CYP2C19: variants seen among roughly 807,000 people sequenced by gnomAD.
CYP2C19 encodes the protein cytochrome P450 2C19.
In CYP2C19, 59 loss-of-function variants were observed where a neutral mutation model predicts 40.9. That is an observed-to-expected ratio of 1.44 (90% CI 1.17 to 1.79). The LOEUF (loss-of-function observed/expected upper bound fraction) is 1.79. Among genes scored for constraint, CYP2C19 ranks in the 40% most tolerant of loss-of-function variants. The pLI is 0.00. For missense variants in CYP2C19, 754 were observed against 596.9 expected (o/e 1.26, Z -2.74); for synonymous variants, 253 against 208.7 (o/e 1.21, Z -1.83).
chr10:94,842,374 G>C (rs1048457876), intron 6 of CYP2C19, among the ~76,000 whole-genome samples: 1 of 105,808 alleles, frequency 9.5e-6, no homozygotes, highest in Admixed American at 9.4e-5. Flanking sequence ...TTCAGTCTAT[G>C]TGTGTTTTTT....
Position 94,853,151 on chromosome 10 carries a change from G to A in CYP2C19, c.*237G>A, listed in dbSNP as rs1849680648. On this transcript the variant is annotated 3_prime_UTR_variant, in exon 9 of 9. Coordinates refer to ENST00000371321, the MANE Select transcript of CYP2C19 (RefSeq NM_000769.4). ...CACATAATGCTGATACTTGTCTAAT[G>A]TTGAGTTATTAACATATTATTATTA... 3 of 523,572 alleles carry A rather than the reference G, an allele frequency of 5.7e-6. No individual in the cohort carries two copies. The highest frequency in any genetic ancestry group is 1.9e-5 in the African/African-American group (1 of 52,334). 32.4% of individuals were successfully genotyped at this position (523,572 alleles called of 1,614,324 possible). A position where few individuals can be genotyped will look rare whatever the true frequency, so the allele number is the denominator to read the frequency against.
Position 94,781,806 on chromosome 10 carries a change from A to T in CYP2C19, c.643-15A>T. 1 of 1,339,094 alleles carries T rather than the reference A, an allele frequency of 7.5e-7. No individual in the cohort carries two copies. The highest frequency in any genetic ancestry group is 9.9e-7 in the Non-Finnish European group (1 of 1,013,026). 83.0% of individuals were successfully genotyped at this position (1,339,094 alleles called of 1,614,324 possible). A position where few individuals can be genotyped will look rare whatever the true frequency, so the allele number is the denominator to read the frequency against. Reference sequence around the variant, plus strand: ...TTAAATGCTTTTAATTTAATAAATTATTGTTTTCTCTTAGATATGCAATAA... The same window carrying T: ...TTAAATGCTTTTAATTTAATAAATTTTTGTTTTCTCTTAGATATGCAATAA... On this transcript the variant is annotated splice_polypyrimidine_tract_variant and intron_variant, in intron 4 of 8. Coordinates refer to ENST00000371321, the MANE Select transcript of CYP2C19 (RefSeq NM_000769.4).
chr10:94,789,668 A>G (rs1848582064), intron 5 of CYP2C19, among the ~76,000 whole-genome samples: 1 of 151,966 alleles, frequency 6.6e-6, no homozygotes, highest in Non-Finnish European at 1.5e-5. Flanking sequence ...GTGTGGTGTT[A>G]TTTCTGAGGC....
chr10:94,786,199 C>G (rs1344957282), intron 5 of CYP2C19, among the ~76,000 whole-genome samples: 1 of 152,006 alleles, frequency 6.6e-6, no homozygotes, highest in African/African-American at 2.4e-5. Context: ...GGTATATATC[C>G]CAGGTAATGT....
At chr10:94,781,788 C>T (rs769966695) in intron 4 of CYP2C19, 33 bp from the exon 5 acceptor site, 2 of 1,190,888 alleles carry the variant, frequency 1.7e-6, no homozygotes, top group Non-Finnish European at 2.2e-6. Flanking sequence ...TTATTAAATG[C>T]TTTTAATTTA....
chr10:94,834,059 A>G (rs112446755), intron 6 of CYP2C19, among the ~76,000 whole-genome samples: 4,850 of 152,266 alleles, frequency 0.032, 124 homozygotes, highest in Middle Eastern at 0.13. Flanking sequence ...TTTTTGGAAT[A>G]GTTTGAGTAG....
At chr10:94,773,129 A>G (rs1848359312) in intron 1 of CYP2C19, among the ~76,000 whole-genome samples, 1 of 152,158 alleles carries the variant, frequency 6.6e-6, no homozygotes, top group Non-Finnish European at 1.5e-5. Flanking sequence ...TAGCCCCTGA[A>G]TTCTAAGGAA....
In CYP2C19 at chr10:94,770,386, G is replaced by A. The variant is rs533204780; in HGVS notation, c.169-4672G>A. ...ACCACACTGATAACAAGCCCTACTGGGTGATTGGCCTGCTATTTTCTGTCC... is the reference window on the plus strand; with the variant it reads ...ACCACACTGATAACAAGCCCTACTGAGTGATTGGCCTGCTATTTTCTGTCC... On this transcript the variant is annotated intron_variant, in intron 1 of 8. Transcript: ENST00000371321. Among the ~76,000 whole-genome samples the A allele has an allele frequency of 6.2e-4, 94 of 152,200 alleles. 1 individual carries two copies. Among genetic ancestry groups the A allele is most frequent in the Non-Finnish European group, 1.1e-3 (77 of 68,012 alleles).
chr10:94,775,333 C>G, intron 2 of CYP2C19, 57 bp from the exon 3 acceptor site: 1 of 1,612,466 alleles, frequency 6.2e-7, no homozygotes, highest in South Asian at 1.1e-5. Context: ...TGCCCAGTGT[C>G]AGCTTCCTCT....
intron 6 of CYP2C19, among the ~76,000 whole-genome samples, chr10:94,839,546 T>G (rs1443315068): frequency 6.6e-6 from 1 of 152,218 alleles, no homozygotes; most frequent in Admixed American, 6.5e-5. Context: ...CCCATCAACA[T>G]GCATTCGCAT....
chr10:94,812,376 T>C (rs1049159789), intron 5 of CYP2C19, among the ~76,000 whole-genome samples: 1 of 151,890 alleles, frequency 6.6e-6, no homozygotes, highest in Non-Finnish European at 1.5e-5. Flanking sequence ...TTGAGGAGTA[T>C]CATTGTGGGT....
chr10:94,793,165 A>G (rs962303126), intron 5 of CYP2C19, among the ~76,000 whole-genome samples: 1 of 152,068 alleles, frequency 6.6e-6, no homozygotes, highest in Admixed American at 6.5e-5. Flanking sequence ...AAGCTTGTGC[A>G]TGCATCACAT....
chr10:94,798,370 T>A (rs780233548), intron 5 of CYP2C19, among the ~76,000 whole-genome samples: 2 of 152,144 alleles, frequency 1.3e-5, no homozygotes, highest in Non-Finnish European at 2.9e-5. Flanking sequence ...TTGTTATAAT[T>A]TCTATTCTTT....
chr10:94,764,758 G>A (rs969039979), intron 1 of CYP2C19, among the ~76,000 whole-genome samples: 15 of 152,102 alleles, frequency 9.9e-5, no homozygotes, highest in Admixed American at 2.0e-4. Flanking sequence ...GCTTGATGGC[G>A]TTGATCCTAG....
At chr10:94,824,132 A>G (rs1322173406) in intron 6 of CYP2C19, among the ~76,000 whole-genome samples, 2 of 152,236 alleles carry the variant, frequency 1.3e-5, no homozygotes, top group Non-Finnish European at 2.9e-5. Flanking sequence ...TGCTAAAAAT[A>G]AAATATAATC....
Position 94,842,758 on chromosome 10 carries a change from G to A in CYP2C19, c.962-79G>A, listed in dbSNP as rs192114814. On this transcript the variant is annotated intron_variant, in intron 6 of 8. Coordinates refer to ENST00000371321, the MANE Select transcript of CYP2C19 (RefSeq NM_000769.4). Reference sequence around the variant, plus strand: ...TATGATGTTTGGATACCTTCATCATGATTCATGTACCCCTGAATTGCTAGA... The same window carrying A: ...TATGATGTTTGGATACCTTCATCATAATTCATGTACCCCTGAATTGCTAGA... The A allele has an allele frequency of 3.8e-5, 55 of 1,442,732 alleles. No homozygotes were observed. In the African/African-American group the frequency reaches 6.2e-4, roughly 16 times the overall value. The allele number at this position is 1,442,732 out of a possible 1,614,324, so 89.4% of individuals were successfully genotyped here.
intron 5 of CYP2C19, among the ~76,000 whole-genome samples, chr10:94,796,350 G>T (rs1440691072): frequency 6.6e-6 from 1 of 152,030 alleles, no homozygotes; most frequent in Non-Finnish European, 1.5e-5. Flanking sequence ...CTGTTCCATT[G>T]GTCTATATCC....
At chr10:94,799,314 A>T (rs1564668838) in intron 5 of CYP2C19, among the ~76,000 whole-genome samples, 2 of 152,118 alleles carry the variant, frequency 1.3e-5, no homozygotes. Context: ...TTTCTTTAAG[A>T]ATGTCAAATA....
At chr10:94,846,986 T>G (rs1026234462) in intron 7 of CYP2C19, among the ~76,000 whole-genome samples, 8 of 152,168 alleles carry the variant, frequency 5.3e-5, no homozygotes, top group Admixed American at 1.3e-4. Flanking sequence ...TGAAGCTCAA[T>G]CATATGTTTA....
Sources: allele counts gnomAD v4.1 joint callset (sites outside exome capture counted in the v4.1 genomes callset), GRCh38; gene constraint gnomAD v4.1.1; transcripts MANE v1.5; gene names NCBI Gene and HGNC (gene_info 2026-07-23, HGNC 2026-07-21).